Variants in RSPH14 observed in about 807,000 individuals in gnomAD.
RSPH14 encodes radial spoke head 14 homolog.
Under a neutral mutation model 26.7 loss-of-function variants are expected in RSPH14, and 20 were observed. That is an observed-to-expected ratio of 0.75 (90% CI 0.53 to 1.09). The LOEUF (loss-of-function observed/expected upper bound fraction) is 1.09, where lower values mean the gene tolerates loss of function less well. Among genes scored for constraint, RSPH14 ranks in the 50% least tolerant of loss-of-function variants. The probability of loss-of-function intolerance (pLI) is 0.00; values close to 1 mark genes in which losing one functional copy is unlikely to be tolerated. For synonymous variants in RSPH14, 177 were observed against 189.3 expected, an observed-to-expected ratio of 0.93 and a Z score of 0.53; for missense variants, 449 against 457.2, an observed-to-expected ratio of 0.98 and a Z score of 0.16.
At position 23,064,106 on chromosome 22, in the gene RSPH14, A is replaced by G; in HGVS notation, c.449T>C (p.Leu150Pro). 6.2e-7 allele frequency: 1 copy of G among 1,614,162 alleles called. No homozygotes were observed. Among genetic ancestry groups the G allele is most frequent in the African/African-American group, 1.3e-5 (1 of 75,050 alleles). ...RGAQEIISKG[L>P]ISSLVWKLQV... ...CAGCTTCCATACCAGTGAGGAAATCAGACCTTTGCTGATGATCTCTTGGGC... is the reference window on the plus strand; with the variant it reads ...CAGCTTCCATACCAGTGAGGAAATCGGACCTTTGCTGATGATCTCTTGGGC... Residue 150 changes from leucine (L) to proline (P), a missense_variant, in exon 5 of 7, where the codon CTG (leucine) becomes CCG (proline). By Grantham distance (98) the Leu-to-Pro change is moderately conservative (BLOSUM62 -3). Transcript: ENST00000216036.
chr22:23,145,923 G>GC (rs1349062891), upstream of RSPH14: 1 of 958,452 alleles, frequency 1.0e-6, no homozygotes, highest in African/African-American at 1.8e-5. Context: ...GAAAGTTAAG[G>GC]CCCCCAGGCC....
At chr22:23,171,853 A>G in the RSPH14 span, among the ~76,000 whole-genome samples, 1 of 73,908 alleles carries the variant, frequency 1.4e-5, no homozygotes, top group African/African-American at 6.2e-5. Context: ...AAAAAAAAAA[A>G]ACAAAAAAAA....
At position 23,082,130 on chromosome 22, in the gene RSPH14, A is replaced by C. The variant is rs892866470; in HGVS notation, c.422-17997T>G. 6.7e-5 allele frequency among the ~76,000 whole-genome samples: 8 copies of C among 120,036 alleles called. No homozygotes were observed. In the East Asian group the frequency reaches 7.0e-4, roughly 10 times the overall value. 78.7% of individuals were successfully genotyped at this position (120,036 alleles called of 152,430 possible). On this transcript the variant is annotated intron_variant, in intron 4 of 6. Coordinates refer to ENST00000216036, the MANE Select transcript of RSPH14 (RefSeq NM_014433.3). ...ACAGAGCAAGACTCCGCCTCAAAAA[A>C]AAAACAAAAAAAAAAAACACCCCAG...
At chr22:23,108,832 A>G (rs1438711590) in intron 4 of RSPH14, among the ~76,000 whole-genome samples, 1 of 152,156 alleles carries the variant, frequency 6.6e-6, no homozygotes, top group African/African-American at 2.4e-5. Context: ...CCTGCTGGAG[A>G]GGTGGTGTCC....
chr22:23,086,680 GA>G (rs2068830196), intron 4 of RSPH14, among the ~76,000 whole-genome samples: 1 of 152,242 alleles, frequency 6.6e-6, no homozygotes, highest in South Asian at 2.1e-4. Context: ...AAGATGTGTG[GA>G]AATGGCTCCA....
intron 4 of RSPH14, among the ~76,000 whole-genome samples, chr22:23,064,401 G>A (rs936863022): frequency 4.6e-5 from 7 of 152,148 alleles, no homozygotes; most frequent in Non-Finnish European, 7.3e-5. Context: ...GTGTCTCAGG[G>A]GGCATCTACC....
chr22:23,075,262 C>CA (rs1374437595), intron 4 of RSPH14, among the ~76,000 whole-genome samples: 1 of 152,174 alleles, frequency 6.6e-6, no homozygotes, highest in African/African-American at 2.4e-5. Context: ...CCGCTGGAGT[C>CA]AGTCACACCC....
the RSPH14 span, among the ~76,000 whole-genome samples, chr22:23,173,811 G>T: frequency 6.6e-6 from 1 of 151,700 alleles, no homozygotes; most frequent in South Asian, 2.1e-4. Flanking sequence ...GGGTTCCAGC[G>T]ATTCTCTTGC....
intron 4 of RSPH14, among the ~76,000 whole-genome samples, chr22:23,089,776 T>C (rs141034541): frequency 1.1e-3 from 174 of 152,230 alleles, no homozygotes; most frequent in African/African-American, 4.1e-3. Context: ...CAGCAGAGGG[T>C]TCCTGAGTGG....
chr22:23,162,782 G>A, the RSPH14 span: 326 of 456,060 alleles, frequency 7.1e-4, 2 homozygotes, highest in African/African-American at 6.1e-3. Context: ...CTCTCCTAGG[G>A]CCTGGCACAC....
chr22:23,075,233 T>C (rs1601748405), intron 4 of RSPH14, among the ~76,000 whole-genome samples: 1 of 152,084 alleles, frequency 6.6e-6, no homozygotes, highest in African/African-American at 2.4e-5. Flanking sequence ...GGCGGGTGGG[T>C]TGCGTTGGAC....
At chr22:23,148,391 GAAGA>G (rs1374768945), upstream of RSPH14, among the ~76,000 whole-genome samples, 2 of 152,216 alleles carry the variant, frequency 1.3e-5, no homozygotes, top group Non-Finnish European at 2.9e-5. Context: ...ATCATGAGAT[GAAGA>G]ACCTCATTGG....
chr22:23,074,910 T>G (rs1432752432), intron 4 of RSPH14, among the ~76,000 whole-genome samples: 1 of 152,178 alleles, frequency 6.6e-6, no homozygotes, highest in African/African-American at 2.4e-5. Context: ...GGCGCACACC[T>G]GTAATCCTAT....
chr22:23,119,089 C>G (rs913516131), intron 4 of RSPH14, among the ~76,000 whole-genome samples: 1 of 152,226 alleles, frequency 6.6e-6, no homozygotes, highest in Non-Finnish European at 1.5e-5. Flanking sequence ...GTCACAGTTT[C>G]CAGAGCTACA....
At chr22:23,154,816 TG>T in the RSPH14 span, among the ~76,000 whole-genome samples, 4 of 152,202 alleles carry the variant, frequency 2.6e-5, no homozygotes, top group Non-Finnish European at 4.4e-5. Flanking sequence ...TGTGTCATAC[TG>T]GATCACTTGA....
the RSPH14 span, among the ~76,000 whole-genome samples, chr22:23,179,123 G>A: frequency 6.6e-6 from 1 of 152,226 alleles, no homozygotes; most frequent in Non-Finnish European, 1.5e-5. Flanking sequence ...CTGGCTACTA[G>A]CCTGGGCTCA....
intron 4 of RSPH14, among the ~76,000 whole-genome samples, chr22:23,091,206 G>A (rs530108971): frequency 5.3e-5 from 8 of 152,246 alleles, no homozygotes; most frequent in South Asian, 4.1e-4. Flanking sequence ...ATGGATCTGC[G>A]CGTGCACATG....
At chr22:23,157,007 G>T in the RSPH14 span, among the ~76,000 whole-genome samples, 1 of 152,134 alleles carries the variant, frequency 6.6e-6, no homozygotes, top group Non-Finnish European at 1.5e-5. Flanking sequence ...CCCCTGTCCG[G>T]CCCTGGTCAC....
upstream of RSPH14, among the ~76,000 whole-genome samples, chr22:23,142,710 G>T (rs1255059979): frequency 6.6e-6 from 1 of 152,218 alleles, no homozygotes; most frequent in Non-Finnish European, 1.5e-5. Context: ...TCTTCAGGCT[G>T]ACCGCCTGGT....
Sources: gnomAD v4.1 joint callset for allele counts (sites outside exome capture counted in the v4.1 genomes callset) on GRCh38, gnomAD v4.1.1 for gene constraint, MANE v1.5 for transcripts, NCBI Gene and HGNC (gene_info 2026-07-23, HGNC 2026-07-21) for gene names.